The following NBPF12 variants were observed in gnomAD, a reference collection of about 807,000 sequenced individuals.
The protein encoded by NBPF12 is NBPF member 12, also known as NBPF family member NBPF12.
Under a neutral mutation model 146.4 loss-of-function variants are expected in NBPF12, and 115 were observed. The ratio of observed to expected loss-of-function variants is 0.79; its 90% CI spans 0.68 to 0.92. The LOEUF (loss-of-function observed/expected upper bound fraction) is 0.92, where lower values mean the gene tolerates loss of function less well. Among genes scored for constraint, NBPF12 ranks in the 40% least tolerant of loss-of-function variants. NBPF12 has a pLI of 0.00. For missense variants in NBPF12, 1,205 were observed against 1,326.8 expected, an observed-to-expected ratio of 0.91 and a Z score of 1.43; for synonymous variants, 385 against 508.9, an observed-to-expected ratio of 0.76 and a Z score of 3.28.
intron 9 of NBPF12, 97 bp downstream of exon 12, chr1:146,966,770 C>A: frequency 1.3e-6 from 1 of 783,460 alleles, no homozygotes; most frequent in East Asian, 2.4e-5. Context: ...TAATGTCATC[C>A]TCCCCATACT....
chr1:146,995,976 G>C (rs1192432755), exon 34 of NBPF12: 1 of 149,804 alleles, frequency 6.7e-6, no homozygotes, highest in Admixed American at 6.6e-5. Flanking sequence ...AATTTTTACT[G>C]TGCCTTTGTT....
intron 4 of NBPF12, among the ~76,000 whole-genome samples, chr1:146,961,832 GGA>G (rs1213076470): frequency 6.6e-6 from 1 of 152,012 alleles, no homozygotes; most frequent in African/African-American, 2.4e-5. Flanking sequence ...GTGTTTTAGA[GGA>G]GAGGCTGCAA....
exon 1 of NBPF12, chr1:146,949,383 C>T (rs1488024600): frequency 7.3e-6 from 1 of 137,792 alleles, no homozygotes; most frequent in Non-Finnish European, 1.5e-5. Context: ...CCCTCATTGT[C>T]TTCTTCAGGT....
exon 34 of NBPF12, chr1:146,994,590 G>A (rs781808442): frequency 6.3e-7 from 1 of 1,595,796 alleles, no homozygotes; most frequent in Admixed American, 1.7e-5. Context: ...CCCTTACTAA[G>A]CCGAGAGGTT....
At chr1:146,981,637 C>G (rs1335085312) in intron 19 of NBPF12, among the ~76,000 whole-genome samples, 6 of 151,876 alleles carry the variant, frequency 4.0e-5, no homozygotes, top group African/African-American at 1.5e-4. Context: ...TGGATAATAT[C>G]CTGAAGAATG....
At chr1:146,976,880 G>GC (rs1481431702) in intron 16 of NBPF12, 49 bp from the exon 20 acceptor site, 16 of 613,298 alleles carry the variant, frequency 2.6e-5, no homozygotes, top group Non-Finnish European at 4.7e-5. Flanking sequence ...GACTGTGCTT[G>GC]CAGACTGTGA....
chr1:146,957,839 A>G lies in NBPF12; in HGVS notation c.-183-2020A>G, dbSNP rs1466021189. 2.9e-5 allele frequency among the ~76,000 whole-genome samples: 3 copies of G among 104,890 alleles called. 1 individual carries two copies. The highest frequency in any genetic ancestry group is 5.8e-5 in the Non-Finnish European group (3 of 51,744). The allele number at this position is 104,890 out of a possible 152,430, so 68.8% of individuals were successfully genotyped here. On this transcript the variant is annotated intron_variant, in intron 2 of 33. Transcript: ENST00000617844. The stretch of plus-strand genomic sequence containing the variant: ...GCCACTTAAAAAAGAAAAAAAAAAT[A>G]TAATATATATATATATACACGTGTT...
At chr1:146,977,221 A>G (rs1657099957) in intron 17 of NBPF12, among the ~76,000 whole-genome samples, 1 of 133,484 alleles carries the variant, frequency 7.5e-6, no homozygotes, top group African/African-American at 2.9e-5. Context: ...CTGAGTCTTC[A>G]TCCTTCTCAG....
intron 4 of NBPF12, among the ~76,000 whole-genome samples, chr1:146,961,486 A>G (rs1259093120): frequency 2.6e-5 from 4 of 151,410 alleles, no homozygotes; most frequent in Non-Finnish European, 5.9e-5. Flanking sequence ...CAGTGTAAAC[A>G]CTATTAGTTC....
intron 1 of NBPF12, among the ~76,000 whole-genome samples, chr1:146,950,196 G>C (rs1264496200): frequency 6.6e-6 from 1 of 151,534 alleles, no homozygotes; most frequent in African/African-American, 2.4e-5. Context: ...TAAAGCATTA[G>C]TTCAACATGA....
intron 1 of NBPF12, among the ~76,000 whole-genome samples, chr1:146,940,413 G>C (rs1243202198): frequency 6.6e-6 from 1 of 151,980 alleles, no homozygotes; most frequent in Non-Finnish European, 1.5e-5. Context: ...AGACCAGCCT[G>C]GGCAACGTGG....
exon 11 of NBPF12, chr1:146,969,493 C>T: frequency 2.4e-6 from 3 of 1,253,922 alleles, no homozygotes; most frequent in Non-Finnish European, 3.5e-6. Flanking sequence ...TCCAGGCCCT[C>T]CTCACTCCGG....
intron 21 of NBPF12, among the ~76,000 whole-genome samples, chr1:146,984,601 G>C (rs1259320298): frequency 1.4e-5 from 2 of 145,746 alleles, no homozygotes; most frequent in South Asian, 2.2e-4. Flanking sequence ...GTGTGTGTGT[G>C]TGTGTGTGTG....
rs1656872533 is a variant in NBPF12 at position 146,974,690 on chromosome 1, G to A, written c.1802-49G>A. ...TCCTGCCCTGTAGGCAATGACCACA[G>A]CAGCATGTCCAGCCTTCCACTGATG... On this transcript the variant is annotated intron_variant, in intron 14 of 33. Coordinates refer to ENST00000617844, the Ensembl canonical transcript of NBPF12. 7 of 651,726 alleles carry A rather than the reference G, an allele frequency of 1.1e-5. 1 individual carries two copies. The highest frequency in any genetic ancestry group is 1.6e-5 in the Non-Finnish European group (7 of 425,944). The allele number at this position is 651,726 out of a possible 1,614,324, so 40.4% of individuals were successfully genotyped here. A position where few individuals can be genotyped will look rare whatever the true frequency, so the allele number is the denominator to read the frequency against.
chr1:146,962,551 A>C (rs1339539548), intron 5 of NBPF12, among the ~76,000 whole-genome samples: 2 of 151,852 alleles, frequency 1.3e-5, no homozygotes, highest in Non-Finnish European at 2.9e-5. Context: ...AGCAGCATTC[A>C]GTATACTCAA....
At chr1:146,992,462 CTGTGTGTGTGTGTGTGTG>C (rs1163182082) in intron 31 of NBPF12, among the ~76,000 whole-genome samples, 70 of 66,094 alleles carry the variant, frequency 1.1e-3, no homozygotes, top group East Asian at 1.9e-3. Context: ...CTCTCTCTCT[CTGTGTGTGTGTGTGTGTG>C]TGTGTGTGTG....
chr1:146,963,571 C>A (rs1570842400), intron 6 of NBPF12, among the ~76,000 whole-genome samples: 2 of 151,842 alleles, frequency 1.3e-5, no homozygotes. Flanking sequence ...TTTTAAAGGA[C>A]AGGAAGGAGG....
At chr1:146,961,500 AT>A (rs1345345655) in intron 4 of NBPF12, among the ~76,000 whole-genome samples, 1 of 150,290 alleles carries the variant, frequency 6.7e-6, no homozygotes, top group Non-Finnish European at 1.5e-5. Context: ...TTAGTTCTTC[AT>A]TCTGATGTTT....
Position 146,984,879 on chromosome 1 carries a change from T to A in NBPF12, c.2733T>A (p.Tyr911Ter). The A allele has an allele frequency of 6.3e-7, 1 of 1,580,216 alleles. No homozygotes were observed. The highest frequency in any genetic ancestry group is 1.1e-5 in the South Asian group (1 of 90,026). The change falls in exon 22 of 34, where the codon TAT becomes TAA. Residue 911 changes from tyrosine to a stop codon, truncating the protein, a stop_gained. Transcript: ENST00000617844. LOFTEE classifies it high-confidence loss of function. ...TGCAGGACTCACTGGATAGATGTTATTCAACTCCTTCAGTTTATCTTGGAC... is the reference window on the plus strand; with the variant it reads ...TGCAGGACTCACTGGATAGATGTTAATCAACTCCTTCAGTTTATCTTGGAC...
Sources: allele counts gnomAD v4.1 joint callset (sites outside exome capture counted in the v4.1 genomes callset), GRCh38; gene constraint gnomAD v4.1.1; transcripts MANE v1.5; gene names NCBI Gene and HGNC (gene_info 2026-07-23, HGNC 2026-07-21).